The following RTN4R variants were observed in gnomAD, a reference collection of about 807,000 sequenced individuals.
RTN4R encodes the protein reticulon 4 receptor.
RTN4R carries 4 observed loss-of-function variants against 27.7 expected under a neutral mutation model. That is an observed-to-expected ratio of 0.14 (90% confidence interval 0.07 to 0.33). The LOEUF (loss-of-function observed/expected upper bound fraction) is 0.33. RTN4R is among the 10% of genes least tolerant of loss of function. The pLI is 1.00. For missense variants in RTN4R, 554 were observed against 671.5 expected (o/e 0.83, Z 1.93); for synonymous variants, 290 against 305.6 (o/e 0.95, Z 0.53).
chr22:20,267,659 C>T (rs1358523114), intron 1 of RTN4R: 9 of 465,648 alleles, frequency 1.9e-5, no homozygotes, highest in African/African-American at 1.0e-4. Flanking sequence ...GGGGTGGAGG[C>T]GGCCCGACAC....
At chr22:20,252,089 T>A (rs2051187052) in intron 1 of RTN4R, among the ~76,000 whole-genome samples, 1 of 17,832 alleles carries the variant, frequency 5.6e-5, no homozygotes, top group African/African-American at 2.0e-4. Context: ...ATCATCACCA[T>A]CGTCCTCATC....
At chr22:20,254,688 G>A (rs1444770880) in intron 1 of RTN4R, among the ~76,000 whole-genome samples, 1 of 151,922 alleles carries the variant, frequency 6.6e-6, no homozygotes, top group Admixed American at 6.6e-5. Context: ...CCCAGAAAGA[G>A]GAAAACGTGG....
Position 20,243,127 on chromosome 22 carries a change from G to C in RTN4R, c.23-17C>G. On this transcript the variant is annotated splice_polypyrimidine_tract_variant and intron_variant, in intron 1 of 1. Transcript: ENST00000043402. Reference sequence around the variant, plus strand: ...GCCGGCTCCCTGTGGGCAGAAGACAGAGTGGTTAGCAGGAAGGGCAGGGGT... The same window carrying C: ...GCCGGCTCCCTGTGGGCAGAAGACACAGTGGTTAGCAGGAAGGGCAGGGGT... 1 of 1,597,598 alleles carries C rather than the reference G, an allele frequency of 6.3e-7. No individual in the cohort carries two copies.
chr22:20,247,045 C>T (rs971262596), intron 1 of RTN4R, among the ~76,000 whole-genome samples: 11 of 152,264 alleles, frequency 7.2e-5, no homozygotes, highest in East Asian at 3.9e-4. Context: ...GGAAGGCTGG[C>T]GGCCTGGCTA....
intron 1 of RTN4R, among the ~76,000 whole-genome samples, chr22:20,249,802 G>T (rs1001788360): frequency 2.0e-5 from 3 of 152,244 alleles, no homozygotes; most frequent in African/African-American, 7.2e-5. Context: ...AACCAGGCAG[G>T]CGAGCGGCCT....
intron 1 of RTN4R, among the ~76,000 whole-genome samples, chr22:20,267,174 C>T (rs1283507243): frequency 6.6e-6 from 1 of 152,268 alleles, no homozygotes; most frequent in Admixed American, 6.5e-5. Flanking sequence ...CATGTGCACA[C>T]TGGGGCGGCG....
chr22:20,249,143 C>G (rs772690023), intron 1 of RTN4R: 1 of 534,410 alleles, frequency 1.9e-6, no homozygotes, highest in Non-Finnish European at 3.8e-6. Flanking sequence ...CTGTCTCCAC[C>G]AAGGGCTCAT....
At chr22:20,262,441 G>A (rs2051253318) in intron 1 of RTN4R, among the ~76,000 whole-genome samples, 1 of 152,194 alleles carries the variant, frequency 6.6e-6, no homozygotes, top group Non-Finnish European at 1.5e-5. Flanking sequence ...CTGGCATGTG[G>A]CAGCGGAGGG....
At chr22:20,267,489 G>A in intron 1 of RTN4R, 1 of 399,182 alleles carries the variant, frequency 2.5e-6, no homozygotes, top group South Asian at 1.8e-5. Context: ...CCCTCGGGCT[G>A]CAGATGGCGG....
intron 1 of RTN4R, chr22:20,249,134 T>A (rs768168612): frequency 1.9e-6 from 1 of 534,358 alleles, no homozygotes; most frequent in Non-Finnish European, 3.8e-6. Flanking sequence ...TGGAGAATCC[T>A]GTCTCCACCA....
intron 1 of RTN4R, among the ~76,000 whole-genome samples, chr22:20,245,482 C>T (rs534274595): frequency 5.7e-4 from 86 of 152,174 alleles, no homozygotes; most frequent in African/African-American, 1.8e-3. Flanking sequence ...ATGAGGGAGA[C>T]GCAGCCAGGT....
rs2051291524 is a variant in RTN4R at position 20,268,264 on chromosome 22, GC to G, written c.-173del. On this transcript the variant is annotated 5_prime_UTR_variant, in exon 1 of 2. Coordinates refer to ENST00000043402, the MANE Select transcript of RTN4R (RefSeq NM_023004.6). ...GCCCGGCTCTGGCTGGGCTCGGGCC[GC>G]GGGTGCGCAGGGCGCGCAGGGCGCA... 1 of 26,754 alleles carries G rather than the reference GC, an allele frequency of 3.7e-5. No individual in the cohort carries two copies. Among genetic ancestry groups the G allele is most frequent in the Non-Finnish European group, 5.4e-5 (1 of 18,562 alleles). The allele number at this position is 26,754 out of a possible 1,614,324, so 1.7% of individuals were successfully genotyped here. A position where few individuals can be genotyped will look rare whatever the true frequency, so the allele number is the denominator to read the frequency against.
At chr22:20,248,210 C>T (rs1438602938) in intron 1 of RTN4R, among the ~76,000 whole-genome samples, 3 of 152,186 alleles carry the variant, frequency 2.0e-5, no homozygotes, top group African/African-American at 7.2e-5. Context: ...CCTAAAAGTA[C>T]ACAAAATCTT....
chr22:20,243,921 C>T (rs1347283621), intron 1 of RTN4R, among the ~76,000 whole-genome samples: 1 of 152,122 alleles, frequency 6.6e-6, no homozygotes, highest in Non-Finnish European at 1.5e-5. Context: ...GGGCCAGATA[C>T]ACCTGGGGCT....
rs760379257 is a variant in RTN4R, at chr22:20,242,110, A to G, written c.1023T>C (p.Ala341=). 6.2e-7 allele frequency: 1 copy of G among 1,612,002 alleles called. No homozygotes were observed. Among genetic ancestry groups the G allele is most frequent in the South Asian group, 1.1e-5 (1 of 91,040 alleles). ...CAGGCTCCAGTACTGAGGCCTTGTC[A>G]GCGGCATCTGGCTGGCAGCACTTGG... ...GLPKCCQPDA[A]DKASVLEPGR... is the part of the protein sequence containing the mutation. The change falls in exon 2 of 2, where the codon GCT becomes GCC. Residue 341 remains alanine (A), a synonymous_variant. Transcript: ENST00000043402.
chr22:20,252,008 C>CTA (rs2051185648), intron 1 of RTN4R, among the ~76,000 whole-genome samples: 1 of 116,700 alleles, frequency 8.6e-6, no homozygotes. Flanking sequence ...CATCCTCATC[C>CTA]TCATCACCAT....
chr22:20,266,013 G>A (rs977262535), intron 1 of RTN4R, among the ~76,000 whole-genome samples: 3 of 152,238 alleles, frequency 2.0e-5, no homozygotes, highest in Non-Finnish European at 2.9e-5. Context: ...GTTCTGCCAC[G>A]GCAGGCCCTG....
chr22:20,243,645 G>A (rs1307267145), intron 1 of RTN4R: 2 of 415,044 alleles, frequency 4.8e-6, no homozygotes, highest in Non-Finnish European at 1.0e-5. Flanking sequence ...GAGGAGTCGC[G>A]TCCCACAACC....
At chr22:20,256,493 ATTT>A (rs1185698168) in intron 1 of RTN4R, among the ~76,000 whole-genome samples, 3 of 152,142 alleles carry the variant, frequency 2.0e-5, no homozygotes, top group African/African-American at 7.2e-5. Flanking sequence ...TGTCCTGATG[ATTT>A]TACAACAGCC....
Sources: allele counts gnomAD v4.1 joint callset (sites outside exome capture counted in the v4.1 genomes callset), GRCh38; gene constraint gnomAD v4.1.1; transcripts MANE v1.5; gene names NCBI Gene and HGNC (gene_info 2026-07-23, HGNC 2026-07-21).